Variants in ATRNL1 observed in about 807,000 individuals in gnomAD.
ATRNL1 encodes the protein attractin like 1, also known as attractin-like protein 1.
Under a neutral mutation model 182.7 loss-of-function variants are expected in ATRNL1, and 95 were observed. The observed-to-expected ratio is 0.52, with a 90% CI of 0.44 to 0.62. The LOEUF (loss-of-function observed/expected upper bound fraction) is 0.62. ATRNL1 is among the 20% of genes least tolerant of loss of function. ATRNL1 has a pLI of 0.00. For missense variants in ATRNL1, 1,471 were observed against 1,679.5 expected (o/e 0.88, Z 2.17); for synonymous variants, 576 against 568.3 (o/e 1.01, Z -0.19).
chr10:115,350,051 A>G (rs1159606534), intron 19 of ATRNL1, among the ~76,000 whole-genome samples: 3 of 152,074 alleles, frequency 2.0e-5, no homozygotes, highest in Non-Finnish European at 2.9e-5. Flanking sequence ...AATTTCCTCA[A>G]TGTTGGCTGG....
intron 19 of ATRNL1, among the ~76,000 whole-genome samples, chr10:115,360,725 A>G (rs1856706363): frequency 6.6e-6 from 1 of 151,628 alleles, no homozygotes; most frequent in Non-Finnish European, 1.5e-5. Context: ...GAGGTTTGTT[A>G]CATAGGTAAA....
rs185048262 is a variant in ATRNL1 at position 115,453,711 on chromosome 10, A to G, written c.3323-8230A>G. 3.1e-3 allele frequency among the ~76,000 whole-genome samples: 471 copies of G among 150,080 alleles called. 4 individuals are homozygous for G. Among genetic ancestry groups the G allele is most frequent in the African/African-American group, 0.011 (453 of 40,968 alleles). On this transcript the variant is annotated intron_variant, in intron 21 of 28. Transcript: ENST00000355044. The stretch of plus-strand genomic sequence containing the variant: ...CTATCGCGAGGACAAAAAACCAAAC[A>G]CTGCATGTTCTCACTCATAGGTGGG...
chr10:115,738,023 C>T (rs1555066490), intron 27 of ATRNL1, among the ~76,000 whole-genome samples: 1 of 150,868 alleles, frequency 6.6e-6, no homozygotes, highest in Admixed American at 6.6e-5. Flanking sequence ...CCCCATGAGC[C>T]ATTTGCCTTA....
At chr10:115,532,705 G>C (rs1171789372) in intron 25 of ATRNL1, among the ~76,000 whole-genome samples, 4 of 150,482 alleles carry the variant, frequency 2.7e-5, no homozygotes, top group South Asian at 2.1e-4. Context: ...TCTTGTGCCA[G>C]TTTTCAAAGG....
intron 21 of ATRNL1, among the ~76,000 whole-genome samples, chr10:115,444,773 C>G (rs1354615324): frequency 6.6e-6 from 1 of 151,144 alleles, no homozygotes; most frequent in African/African-American, 2.4e-5. Context: ...GCTCTGTCAC[C>G]CAGGAAGGAA....
At chr10:115,687,064 C>T (rs782275147) in intron 26 of ATRNL1, among the ~76,000 whole-genome samples, 3 of 151,772 alleles carry the variant, frequency 2.0e-5, no homozygotes, top group Non-Finnish European at 2.9e-5. Flanking sequence ...TTGGATTTTC[C>T]TGATGATTAG....
chr10:115,374,203 CTTCTT>C (rs1325397985), intron 19 of ATRNL1, among the ~76,000 whole-genome samples: 2 of 151,654 alleles, frequency 1.3e-5, no homozygotes, highest in South Asian at 2.1e-4. Context: ...AGTTGTAACA[CTTCTT>C]TAATTTTCTT....
chr10:115,365,694 G>T (rs1856998083), intron 19 of ATRNL1, among the ~76,000 whole-genome samples: 1 of 151,682 alleles, frequency 6.6e-6, no homozygotes, highest in African/African-American at 2.4e-5. Context: ...TGCTTTGAAT[G>T]CGTCCCAGAG....
chr10:115,101,863 T>A (rs1843784328), intron 1 of ATRNL1, among the ~76,000 whole-genome samples: 1 of 152,226 alleles, frequency 6.6e-6, no homozygotes, highest in Non-Finnish European at 1.5e-5. Flanking sequence ...TTAATATACA[T>A]TCAACTTATT....
intron 20 of ATRNL1, among the ~76,000 whole-genome samples, chr10:115,417,773 C>T (rs1554961139): frequency 6.6e-6 from 1 of 152,182 alleles, no homozygotes; most frequent in Admixed American, 6.5e-5. Flanking sequence ...TGGATCTTCC[C>T]TAGGTCCATC....
chr10:115,093,571 G>T lies in ATRNL1; in HGVS notation c.-180G>T. 1.4e-6 allele frequency: 1 copy of T among 735,814 alleles called. No homozygotes were observed. Among genetic ancestry groups the T allele is most frequent in the Non-Finnish European group, 2.3e-6 (1 of 426,028 alleles). The allele number at this position is 735,814 out of a possible 1,614,324, so 45.6% of individuals were successfully genotyped here. ...TGCCCGAGTGCGACTGGAGGCAGCC[G>T]AGCGGAGGCGACGGCGGTTGGGATC... On this transcript the variant is annotated 5_prime_UTR_variant, in exon 1 of 29. Coordinates refer to ENST00000355044, the MANE Select transcript of ATRNL1 (RefSeq NM_207303.4). This position sits in a 1 kb window ranked among gnomAD's most constrained non-coding sequence, Gnocchi z 6.1.
intron 8 of ATRNL1, among the ~76,000 whole-genome samples, chr10:115,176,182 G>C (rs1554886641): frequency 6.6e-6 from 1 of 152,184 alleles, no homozygotes; most frequent in East Asian, 1.9e-4. Context: ...ATTTGTTTGA[G>C]TTCTTTGTAG....
chr10:115,417,605 G>A (rs2134362648), intron 20 of ATRNL1, among the ~76,000 whole-genome samples: 1 of 152,290 alleles, frequency 6.6e-6, no homozygotes, highest in African/African-American at 2.4e-5. Context: ...AGATCCTGAG[G>A]GGACCCAGCC....
intron 5 of ATRNL1, among the ~76,000 whole-genome samples, chr10:115,149,339 C>CT (rs1326275324): frequency 1.6e-4 from 24 of 152,022 alleles, no homozygotes; most frequent in Admixed American, 1.4e-3. Context: ...TTTCAGGCTG[C>CT]TTTTTGTTAG....
intron 28 of ATRNL1, among the ~76,000 whole-genome samples, chr10:115,860,554 A>G (rs1951291902): frequency 6.6e-6 from 1 of 152,174 alleles, no homozygotes; most frequent in Admixed American, 6.6e-5. Context: ...TAAATGGGAT[A>G]ATTTGGTATT....
chr10:115,704,320 C>A (rs1555052484), intron 26 of ATRNL1, among the ~76,000 whole-genome samples: 1 of 151,822 alleles, frequency 6.6e-6, no homozygotes, highest in Non-Finnish European at 1.5e-5. Flanking sequence ...TGTCTCTCTA[C>A]ATTGAATTGT....
intron 26 of ATRNL1, among the ~76,000 whole-genome samples, chr10:115,562,672 G>C (rs1180389050): frequency 1.3e-5 from 2 of 152,040 alleles, no homozygotes; most frequent in African/African-American, 4.8e-5. Flanking sequence ...TTTTATAAGG[G>C]GATTCCCCCT....
chr10:115,199,751 G>A (rs1335800106), intron 8 of ATRNL1, among the ~76,000 whole-genome samples: 2 of 152,098 alleles, frequency 1.3e-5, no homozygotes. Context: ...TAGCTACACT[G>A]GCATTAGTGG....
chr10:115,185,563 CAGA>C (rs1295753493), intron 8 of ATRNL1, among the ~76,000 whole-genome samples: 3 of 152,074 alleles, frequency 2.0e-5, no homozygotes, highest in East Asian at 1.9e-4. Context: ...GGTACAAATA[CAGA>C]AGAAGGGAAG....
Sources: allele counts gnomAD v4.1 joint callset (sites outside exome capture counted in the v4.1 genomes callset), GRCh38; gene constraint gnomAD v4.1.1; non-coding constraint Gnocchi (gnomAD v3.1); transcripts MANE v1.5; gene names NCBI Gene and HGNC (gene_info 2026-07-23, HGNC 2026-07-21).